EEFSEC: variants seen among roughly 807,000 people sequenced by gnomAD.
EEFSEC encodes the protein selenocysteine-specific elongation factor.
EEFSEC carries 43 observed loss-of-function variants against 42.1 expected under a neutral mutation model. The ratio of observed to expected loss-of-function variants is 1.02; its 90% CI spans 0.80 to 1.32. The LOEUF (loss-of-function observed/expected upper bound fraction) is 1.32. Ranked by LOEUF, EEFSEC falls within the 40% of genes most tolerant of loss-of-function variation. The pLI is 0.00. For synonymous variants in EEFSEC, 354 were observed against 339.1 expected (o/e 1.04, Z -0.48); for missense variants, 745 against 803.6 (o/e 0.93, Z 0.88).
intron 5 of EEFSEC, among the ~76,000 whole-genome samples, chr3:128,345,160 G>A (rs2067298145): frequency 1.3e-5 from 2 of 152,212 alleles, no homozygotes. Context: ...GCTGCACCAG[G>A]GTTAGATGAA....
intron 6 of EEFSEC, chr3:128,367,744 A>C: frequency 1.0e-6 from 1 of 985,386 alleles, no homozygotes; most frequent in Non-Finnish European, 1.2e-6. Context: ...CTGTGGCCCC[A>C]CTGCCTGCCT....
intron 1 of EEFSEC, among the ~76,000 whole-genome samples, chr3:128,181,900 G>A (rs546212365): frequency 5.9e-5 from 9 of 152,148 alleles, no homozygotes; most frequent in Non-Finnish European, 1.0e-4. Flanking sequence ...TGGAACCTCC[G>A]CCTCCCGGGT....
intron 2 of EEFSEC, among the ~76,000 whole-genome samples, chr3:128,260,249 G>A (rs915089911): frequency 3.9e-5 from 6 of 152,136 alleles, no homozygotes; most frequent in African/African-American, 1.4e-4. Flanking sequence ...TTGTACATGA[G>A]TTCAGTCGCT....
chr3:128,361,517 T>A (rs1159174835), intron 6 of EEFSEC, among the ~76,000 whole-genome samples: 2 of 152,212 alleles, frequency 1.3e-5, no homozygotes, highest in Admixed American at 1.3e-4. Flanking sequence ...CACTTGGCCC[T>A]CAGGTTCACG....
the EEFSEC span, among the ~76,000 whole-genome samples, chr3:128,421,943 C>T: frequency 1.9e-3 from 294 of 152,310 alleles, 2 homozygotes; most frequent in Middle Eastern, 3.4e-3. Flanking sequence ...CTCCCCCGGC[C>T]GACTGATAAC....
intron 4 of EEFSEC, among the ~76,000 whole-genome samples, chr3:128,277,067 C>T (rs1438821890): frequency 1.3e-5 from 2 of 152,236 alleles, no homozygotes; most frequent in African/African-American, 4.8e-5. Flanking sequence ...CTCTCACCCT[C>T]TGGCCTGGCA....
intron 6 of EEFSEC, among the ~76,000 whole-genome samples, chr3:128,389,382 G>A (rs995916898): frequency 4.6e-5 from 7 of 152,242 alleles, no homozygotes; most frequent in Non-Finnish European, 7.3e-5. Context: ...GCCTGGCACC[G>A]TCTCAGCCAT....
Position 128,342,860 on chromosome 3 carries a change from A to G in EEFSEC, c.1443+971A>G, listed in dbSNP as rs148927294. Among the ~76,000 whole-genome samples, 415 of 152,358 alleles carry G rather than the reference A, an allele frequency of 2.7e-3. 1 individual carries two copies. In the South Asian group the frequency reaches 0.032, roughly 12 times the overall value. On this transcript the variant is annotated intron_variant, in intron 5 of 6. Transcript: ENST00000254730. ...GCATCCATCCCCAGCAGCTGTCCACACAGTGCTGAGTGGGAATCCATGCCC... is the reference window on the plus strand; with the variant it reads ...GCATCCATCCCCAGCAGCTGTCCACGCAGTGCTGAGTGGGAATCCATGCCC...
chr3:128,384,563 C>T, intron 6 of EEFSEC, among the ~76,000 whole-genome samples: 1 of 152,332 alleles, frequency 6.6e-6, no homozygotes, highest in African/African-American at 2.4e-5. Context: ...CCAGCATTCC[C>T]ACATGCACGC....
chr3:128,287,113 T>C (rs920122218), intron 4 of EEFSEC, among the ~76,000 whole-genome samples: 6 of 152,246 alleles, frequency 3.9e-5, no homozygotes, highest in Non-Finnish European at 7.3e-5. Context: ...CCTGAGCCCC[T>C]GATCTATGGA....
At chr3:128,208,526 C>T (rs1360347157) in intron 1 of EEFSEC, among the ~76,000 whole-genome samples, 2 of 152,130 alleles carry the variant, frequency 1.3e-5, no homozygotes, top group East Asian at 3.9e-4. Context: ...AGTGTTAGTG[C>T]CCAAGGCAAT....
chr3:128,416,253 C>G, the EEFSEC span, among the ~76,000 whole-genome samples: 1 of 152,132 alleles, frequency 6.6e-6, no homozygotes, highest in South Asian at 2.1e-4. Context: ...CACCCTGCCC[C>G]TGGGGGCACA....
intron 1 of EEFSEC, among the ~76,000 whole-genome samples, chr3:128,174,282 A>G (rs1175971765): frequency 2.0e-5 from 3 of 152,196 alleles, no homozygotes; most frequent in African/African-American, 4.8e-5. Context: ...CAGAAAATAC[A>G]GTTTACAATA....
intron 1 of EEFSEC, among the ~76,000 whole-genome samples, chr3:128,184,789 G>T (rs1005124837): frequency 6.6e-6 from 1 of 152,060 alleles, no homozygotes; most frequent in East Asian, 1.9e-4. Flanking sequence ...TTCTAGAATT[G>T]ACATTTCCAA....
At chr3:128,190,240 G>A (rs970587680) in intron 1 of EEFSEC, among the ~76,000 whole-genome samples, 2 of 152,324 alleles carry the variant, frequency 1.3e-5, no homozygotes, top group African/African-American at 2.4e-5. Flanking sequence ...CCAGGAGAAG[G>A]CATTGTCATC....
chr3:128,170,960 A>G (rs1315140896), intron 1 of EEFSEC, among the ~76,000 whole-genome samples: 1 of 152,136 alleles, frequency 6.6e-6, no homozygotes, highest in Non-Finnish European at 1.5e-5. Context: ...TCATAAGGCA[A>G]TCTGGGGACA....
chr3:128,327,194 C>T (rs747975879), intron 4 of EEFSEC, among the ~76,000 whole-genome samples: 4 of 152,100 alleles, frequency 2.6e-5, no homozygotes, highest in Non-Finnish European at 5.9e-5. Context: ...CTGTGCTGCA[C>T]TGACCATCTT....
At chr3:128,397,409 G>A (rs971864124) in intron 6 of EEFSEC, among the ~76,000 whole-genome samples, 1 of 152,236 alleles carries the variant, frequency 6.6e-6, no homozygotes, top group Non-Finnish European at 1.5e-5. Flanking sequence ...CTTGTAGGAT[G>A]TCCTGAGGCT....
intron 6 of EEFSEC, among the ~76,000 whole-genome samples, chr3:128,399,367 G>T (rs2068021865): frequency 6.6e-6 from 1 of 152,182 alleles, no homozygotes; most frequent in African/African-American, 2.4e-5. Context: ...AATCAAAGGG[G>T]TGCATGAGCC....
Sources: allele counts gnomAD v4.1 joint callset (sites outside exome capture counted in the v4.1 genomes callset), GRCh38; gene constraint gnomAD v4.1.1; transcripts MANE v1.5; gene names NCBI Gene and HGNC (gene_info 2026-07-23, HGNC 2026-07-21).